TRIQK: variants seen among roughly 807,000 people sequenced by gnomAD.
TRIQK encodes the protein triple QxxK/R motif containing.
Under a neutral mutation model 10.8 loss-of-function variants are expected in TRIQK, and 10 were observed. The observed-to-expected ratio is 0.92, with a 90% CI of 0.57 to 1.57. The LOEUF (loss-of-function observed/expected upper bound fraction) is 1.57, where lower values mean the gene tolerates loss of function less well. Among genes scored for constraint, TRIQK ranks in the 40% most tolerant of loss-of-function variants. TRIQK has a pLI of 0.00. For synonymous variants in TRIQK, 33 were observed against 33.7 expected (o/e 0.98, Z 0.07); for missense variants, 107 against 97.7 (o/e 1.09, Z -0.40).
chr8:93,011,405 CA>C (rs1813334088), intron 1 of TRIQK, among the ~76,000 whole-genome samples: 1 of 151,980 alleles, frequency 6.6e-6, no homozygotes, highest in African/African-American at 2.4e-5. Flanking sequence ...TTAAAACTCA[CA>C]AGTAGAAAAT....
chr8:92,900,335 C>G (rs1808860841), intron 3 of TRIQK, among the ~76,000 whole-genome samples: 1 of 152,116 alleles, frequency 6.6e-6, no homozygotes, highest in African/African-American at 2.4e-5. Flanking sequence ...ATCCAATTTC[C>G]TGGAGAGTTT....
At chr8:93,011,060 A>C (rs911502445) in intron 1 of TRIQK, among the ~76,000 whole-genome samples, 6 of 152,076 alleles carry the variant, frequency 3.9e-5, no homozygotes, top group African/African-American at 1.4e-4. Flanking sequence ...ATACTTATGA[A>C]AATGGATTTT....
chr8:92,904,806 A>T (rs1385423134), intron 3 of TRIQK, among the ~76,000 whole-genome samples: 3 of 152,218 alleles, frequency 2.0e-5, no homozygotes, highest in African/African-American at 2.4e-5. Context: ...AGTGTCTGAG[A>T]CATCTCATTC....
intron 2 of TRIQK, among the ~76,000 whole-genome samples, chr8:92,936,445 A>G (rs938144281): frequency 1.3e-5 from 2 of 151,650 alleles, no homozygotes; most frequent in Non-Finnish European, 3.0e-5. Context: ...GGGGAGAGAG[A>G]AGGAAGAAAG....
intron 1 of TRIQK, among the ~76,000 whole-genome samples, chr8:92,988,000 C>CTTTTT (rs549776227): frequency 3.5e-4 from 20 of 57,592 alleles, no homozygotes; most frequent in East Asian, 1.2e-3. Flanking sequence ...TTTATACTTT[C>CTTTTT]TTTTTTTTTT....
chr8:92,914,281 T>C (rs1388134380), intron 3 of TRIQK, among the ~76,000 whole-genome samples: 1 of 152,218 alleles, frequency 6.6e-6, no homozygotes, highest in Non-Finnish European at 1.5e-5. Flanking sequence ...TTATGTCTTA[T>C]ATTTGCCTTT....
intron 3 of TRIQK, among the ~76,000 whole-genome samples, chr8:92,896,125 C>T (rs1387213829): frequency 6.6e-6 from 1 of 152,196 alleles, no homozygotes; most frequent in Non-Finnish European, 1.5e-5. Context: ...TCCAGAGAGG[C>T]TTCCAGGGGA....
At chr8:92,983,714 A>G (rs1163694886) in intron 1 of TRIQK, among the ~76,000 whole-genome samples, 2 of 152,086 alleles carry the variant, frequency 1.3e-5, no homozygotes, top group Non-Finnish European at 2.9e-5. Context: ...TAAGGTGGAA[A>G]GAAATTGGTA....
intron 1 of TRIQK, among the ~76,000 whole-genome samples, chr8:92,958,397 C>T (rs567616674): frequency 7.9e-5 from 12 of 151,956 alleles, no homozygotes; most frequent in South Asian, 6.2e-4. Context: ...TGATATGTAA[C>T]TCATAACTCA....
intron 2 of TRIQK, among the ~76,000 whole-genome samples, chr8:92,932,084 G>A (rs1015654374): frequency 7.0e-4 from 107 of 152,220 alleles, no homozygotes; most frequent in African/African-American, 2.5e-3. Context: ...CAGCTTCCAA[G>A]TCAGCACTTT....
chr8:92,975,130 C>T (rs926502166), intron 1 of TRIQK, among the ~76,000 whole-genome samples: 2 of 152,222 alleles, frequency 1.3e-5, no homozygotes, highest in Non-Finnish European at 2.9e-5. Context: ...CCCCAGGGGG[C>T]CTGCTCTCAT....
At chr8:92,932,340 T>A (rs1810771733) in intron 2 of TRIQK, among the ~76,000 whole-genome samples, 1 of 152,196 alleles carries the variant, frequency 6.6e-6, no homozygotes, top group Non-Finnish European at 1.5e-5. Flanking sequence ...GTGAATTTCT[T>A]ATTTTTCCTT....
At chr8:92,898,831 G>GTATA (rs1554598322) in intron 3 of TRIQK, among the ~76,000 whole-genome samples, 3 of 66,884 alleles carry the variant, frequency 4.5e-5, no homozygotes, top group African/African-American at 1.2e-4. Context: ...AGGTGTGTGT[G>GTATA]TGTATATATA....
At position 92,958,617 on chromosome 8, in the gene TRIQK, T is replaced by G. The variant is rs140578457; in HGVS notation, c.-180-4053A>C. On this transcript the variant is annotated intron_variant, in intron 1 of 4. Coordinates refer to ENST00000521988, the MANE Select transcript of TRIQK (RefSeq NM_001171797.2). ...ATTATAAAATTCAAATAATAATAGA[T>G]TCCTGAGGTTAACCTTAACCCATAT... Among the ~76,000 whole-genome samples the G allele has an allele frequency of 5.9e-5, 9 of 152,112 alleles. No homozygotes were observed. The East Asian group carries it at 9.6e-4, about 16-fold the overall frequency.
At chr8:92,930,221 T>C (rs1459419823) in intron 2 of TRIQK, among the ~76,000 whole-genome samples, 2 of 150,206 alleles carry the variant, frequency 1.3e-5, no homozygotes, top group Non-Finnish European at 3.0e-5. Context: ...CACCCACGTC[T>C]CTACTAAATA....
chr8:93,017,146 AG>A (rs1813392449), intron 1 of TRIQK, among the ~76,000 whole-genome samples: 1 of 130,410 alleles, frequency 7.7e-6, no homozygotes, highest in Admixed American at 7.3e-5. Context: ...AGAGAGAGAG[AG>A]AGAGAGAGAG....
At chr8:92,923,474 C>T (rs1810288867) in intron 2 of TRIQK, among the ~76,000 whole-genome samples, 2 of 151,824 alleles carry the variant, frequency 1.3e-5, no homozygotes, top group Admixed American at 1.3e-4. Context: ...CCCTGAGGAA[C>T]TAACTTGCTC....
chr8:92,995,850 GT>G (rs535905962), intron 1 of TRIQK, among the ~76,000 whole-genome samples: 181 of 152,102 alleles, frequency 1.2e-3, no homozygotes, highest in Non-Finnish European at 2.4e-3. Flanking sequence ...CATTATCAAT[GT>G]TTTCATTCAT....
At chr8:93,004,541 G>T (rs917015777) in intron 1 of TRIQK, among the ~76,000 whole-genome samples, 1 of 152,194 alleles carries the variant, frequency 6.6e-6, no homozygotes. Context: ...AATTTCTGCA[G>T]CCTTGAATTC....
Sources: gnomAD v4.1 joint callset for allele counts (sites outside exome capture counted in the v4.1 genomes callset) on GRCh38, gnomAD v4.1.1 for gene constraint, MANE v1.5 for transcripts, NCBI Gene and HGNC (gene_info 2026-07-23, HGNC 2026-07-21) for gene names.